Variants in DPP10 observed in about 807,000 individuals in gnomAD.
DPP10 encodes the protein dipeptidyl peptidase like 10.
DPP10 carries 33 observed loss-of-function variants against 120.9 expected under a neutral mutation model. The ratio of observed to expected loss-of-function variants is 0.27; its 90% CI spans 0.21 to 0.37. DPP10 has a LOEUF of 0.37. Among genes scored for constraint, DPP10 ranks in the 10% least tolerant of loss-of-function variants. The probability of loss-of-function intolerance (pLI) is 1.00; values close to 1 mark genes in which losing one functional copy is unlikely to be tolerated. For missense variants in DPP10, 816 were observed against 942.8 expected, an observed-to-expected ratio of 0.87 and a Z score of 1.76; for synonymous variants, 337 against 326.1, an observed-to-expected ratio of 1.03 and a Z score of -0.36.
At chr2:115,506,624 C>G (rs1359493643) in intron 4 of DPP10, among the ~76,000 whole-genome samples, 1 of 151,810 alleles carries the variant, frequency 6.6e-6, no homozygotes, top group East Asian at 1.9e-4. Flanking sequence ...TTTACTTAAA[C>G]CTTTTAGGAA....
chr2:114,570,865 A>G (rs1689588392), intron 1 of DPP10, among the ~76,000 whole-genome samples: 1 of 150,830 alleles, frequency 6.6e-6, no homozygotes, highest in Admixed American at 6.6e-5. Flanking sequence ...AAAAAAGAAA[A>G]GTAGATGAAG....
intron 1 of DPP10, among the ~76,000 whole-genome samples, chr2:115,133,145 G>GTGTGTGTATATATATATATATATA (rs1338395575): frequency 1.0e-4 from 3 of 28,762 alleles, no homozygotes; most frequent in African/African-American, 3.8e-4. Context: ...GTGTGTGTGT[G>GTGTGTGTATATATATATATATATA]TATATATATA....
At chr2:115,777,385 T>C in intron 14 of DPP10, 86 bp downstream of exon 14, 1 of 1,216,048 alleles carries the variant, frequency 8.2e-7, no homozygotes, top group Non-Finnish European at 1.2e-6. Context: ...TTGCTTACCA[T>C]AGTCCTAGTC....
chr2:115,438,065 C>T (rs1393158287), intron 3 of DPP10, among the ~76,000 whole-genome samples: 3 of 151,770 alleles, frequency 2.0e-5, no homozygotes, highest in Admixed American at 1.3e-4. Flanking sequence ...GGCCTGTTAA[C>T]GTGGATGAAA....
chr2:114,968,986 C>T (rs1006009798), intron 1 of DPP10, among the ~76,000 whole-genome samples: 1 of 152,150 alleles, frequency 6.6e-6, no homozygotes, highest in African/African-American at 2.4e-5. Flanking sequence ...CAACCAATTC[C>T]GTTCAGATTT....
At chr2:114,732,874 A>G (rs992405944) in intron 1 of DPP10, among the ~76,000 whole-genome samples, 1 of 152,206 alleles carries the variant, frequency 6.6e-6, no homozygotes, top group African/African-American at 2.4e-5. Context: ...GAAGAAAAGA[A>G]ATAGCAATAG....
At chr2:114,961,719 C>A (rs562118840) in intron 1 of DPP10, among the ~76,000 whole-genome samples, 1 of 151,930 alleles carries the variant, frequency 6.6e-6, no homozygotes, top group Non-Finnish European at 1.5e-5. Flanking sequence ...CTCAGGAGGC[C>A]GAGGTGGGCG....
intron 1 of DPP10, among the ~76,000 whole-genome samples, chr2:114,771,301 G>A (rs1174610368): frequency 1.3e-5 from 2 of 152,256 alleles, no homozygotes; most frequent in South Asian, 2.1e-4. Flanking sequence ...CACTGTGGCC[G>A]TATCATACCA....
At chr2:114,456,584 C>A (rs1399287844) in intron 1 of DPP10, among the ~76,000 whole-genome samples, 1 of 152,030 alleles carries the variant, frequency 6.6e-6, no homozygotes, top group Non-Finnish European at 1.5e-5. Flanking sequence ...GATATGATAA[C>A]ATGAAGAAGG....
chr2:115,241,417 G>T (rs2058273252), intron 1 of DPP10, among the ~76,000 whole-genome samples: 1 of 152,100 alleles, frequency 6.6e-6, no homozygotes, highest in African/African-American at 2.4e-5. Flanking sequence ...CTCTTTCTCT[G>T]CAAAAGCATA....
chr2:115,600,065 T>G (rs1434205472), intron 5 of DPP10, among the ~76,000 whole-genome samples: 1 of 152,074 alleles, frequency 6.6e-6, no homozygotes, highest in African/African-American at 2.4e-5. Context: ...TTTTGTTTGT[T>G]TGTTTGTTTT....
intron 2 of DPP10, among the ~76,000 whole-genome samples, chr2:115,324,621 CA>C (rs1025441570): frequency 3.2e-4 from 48 of 152,140 alleles, no homozygotes; most frequent in Admixed American, 2.5e-3. Flanking sequence ...ATCTTCTATC[CA>C]GAACACAAAA....
intron 1 of DPP10, among the ~76,000 whole-genome samples, chr2:114,712,417 A>C (rs773356252): frequency 3.9e-5 from 6 of 152,208 alleles, no homozygotes; most frequent in Non-Finnish European, 7.3e-5. Context: ...CCATTTTTCA[A>C]ATGAGAAAGC....
At chr2:114,992,609 TGAG>T (rs1700813488) in intron 1 of DPP10, among the ~76,000 whole-genome samples, 1 of 152,204 alleles carries the variant, frequency 6.6e-6, no homozygotes, top group South Asian at 2.1e-4. Flanking sequence ...CCCACACAGC[TGAG>T]ATTTTTGCAC....
chr2:114,909,028 A>T (rs1227144912), intron 1 of DPP10, among the ~76,000 whole-genome samples: 1 of 151,632 alleles, frequency 6.6e-6, no homozygotes, highest in African/African-American at 2.4e-5. Context: ...TTTTTTTCTT[A>T]AGTTTGAAAG....
intron 1 of DPP10, among the ~76,000 whole-genome samples, chr2:114,820,780 A>G (rs1686022672): frequency 2.0e-5 from 3 of 152,062 alleles, no homozygotes; most frequent in Admixed American, 6.5e-5. Context: ...TCGACAAAAC[A>G]TGGGGATTAT....
intron 1 of DPP10, among the ~76,000 whole-genome samples, chr2:114,897,357 A>G (rs1693110925): frequency 6.6e-6 from 1 of 152,186 alleles, no homozygotes; most frequent in African/African-American, 2.4e-5. Context: ...CTGTGAATCC[A>G]TCTGGTCCTG....
chr2:115,836,788 C>G lies in DPP10; in HGVS notation c.2182+42C>G, dbSNP rs201767296. ...CCGCTGCTGTTTGATAGGGTATGAC[C>G]TTTTACAAAGGGATACATCTAAGGA... On this transcript the variant is annotated intron_variant, in intron 24 of 25. Transcript: ENST00000410059. 8 of 1,576,238 alleles carry G rather than the reference C, an allele frequency of 5.1e-6. No homozygotes were observed. In the East Asian group the frequency reaches 1.1e-4, roughly 22 times the overall value.
At chr2:115,467,186 G>A (rs1295983426) in intron 3 of DPP10, among the ~76,000 whole-genome samples, 1 of 152,084 alleles carries the variant, frequency 6.6e-6, no homozygotes, top group Non-Finnish European at 1.5e-5. Flanking sequence ...ATAAATACAT[G>A]CATGTACACT....
Sources: allele counts gnomAD v4.1 joint callset (sites outside exome capture counted in the v4.1 genomes callset), GRCh38; gene constraint gnomAD v4.1.1; transcripts MANE v1.5; gene names NCBI Gene and HGNC (gene_info 2026-07-23, HGNC 2026-07-21).